MTERF4: variants seen among roughly 807,000 people sequenced by gnomAD.
MTERF4 encodes the protein mitochondrial transcription termination factor 4, also known as transcription termination factor 4, mitochondrial.
Under a neutral mutation model 22.5 loss-of-function variants are expected in MTERF4, and 17 were observed. The ratio of observed to expected loss-of-function variants is 0.75; its 90% CI spans 0.52 to 1.13. The LOEUF (loss-of-function observed/expected upper bound fraction) is 1.13. Among genes scored for constraint, MTERF4 ranks in the 50% most tolerant of loss-of-function variants. The pLI, the probability that MTERF4 is intolerant of heterozygous loss-of-function variation, is 0.00. For missense variants in MTERF4, 420 were observed against 466.8 expected (o/e 0.90, Z 0.92); for synonymous variants, 165 against 175.3 (o/e 0.94, Z 0.47).
At chr2:241,069,877 C>T (rs1432312592), downstream of MTERF4, 2 of 1,592,228 alleles carry the variant, frequency 1.3e-6, no homozygotes, top group African/African-American at 2.7e-5. The surrounding 1 kb of genome is among the most constrained non-coding windows in gnomAD (Gnocchi z 4.9). Flanking sequence ...CCAGAAGACC[C>T]TGTGGGCACC....
At chr2:241,060,160 CA>C in the MTERF4 span, among the ~76,000 whole-genome samples, 1 of 151,640 alleles carries the variant, frequency 6.6e-6, no homozygotes, top group African/African-American at 2.4e-5. Context: ...GAACTATAAA[CA>C]TAAATGTAAA....
At chr2:241,071,727 G>C, downstream of MTERF4, 1 of 1,153,890 alleles carries the variant, frequency 8.7e-7, no homozygotes, top group Non-Finnish European at 1.2e-6. Context: ...CCAGGTACAT[G>C]CCCCACCCAT....
intron 1 of MTERF4, among the ~76,000 whole-genome samples, chr2:241,100,864 C>T (rs1035705434): frequency 1.3e-5 from 2 of 152,096 alleles, no homozygotes; most frequent in African/African-American, 4.8e-5. Context: ...GTCTGGTGCC[C>T]CTAACCCCTG....
downstream of MTERF4, chr2:241,088,074 C>T (rs534834854): frequency 1.2e-5 from 6 of 480,148 alleles, no homozygotes; most frequent in Admixed American, 2.3e-4. Flanking sequence ...ACCGGCTCTT[C>T]CCTAGGGTAG....
downstream of MTERF4, chr2:241,087,848 C>A: frequency 2.0e-6 from 1 of 506,036 alleles, no homozygotes; most frequent in Non-Finnish European, 3.2e-6. Context: ...GTTCTTTCCA[C>A]AAAGGGTTCA....
downstream of MTERF4, among the ~76,000 whole-genome samples, chr2:241,082,708 C>T (rs2063387335): frequency 2.6e-5 from 4 of 152,202 alleles, no homozygotes; most frequent in Admixed American, 2.6e-4. Flanking sequence ...CCTCAGAGCC[C>T]CCTGGAAAAA....
chr2:241,082,177 C>A, downstream of MTERF4: 1 of 926,322 alleles, frequency 1.1e-6, no homozygotes, highest in Non-Finnish European at 1.7e-6. Flanking sequence ...GGAAGCCAGC[C>A]TAAGGACCCC....
chr2:241,065,552 C>G, the MTERF4 span: 16 of 1,612,798 alleles, frequency 9.9e-6, no homozygotes, highest in East Asian at 4.5e-5. Flanking sequence ...ACAGTAACAA[C>G]AAGAATGACA....
rs767152805 is a variant in MTERF4, at chr2:241,096,279, AT to A, written c.864del (p.Leu289CysfsTer122). The A allele has an allele frequency of 6.2e-7, 1 of 1,614,198 alleles. No individual in the cohort carries two copies. The highest frequency in any genetic ancestry group is 8.5e-7 in the Non-Finnish European group (1 of 1,180,040). ...DKKGQTQIPN[P>X]LLKDILRVSE... ...GAAACTCTGAGAATGTCCTTGAGCA[AT>A]GGGTTAGGGATCTGTGTCTGCCCCT... On this transcript the variant is annotated frameshift_variant, in exon 4 of 4. Transcript: ENST00000391980. LOFTEE classifies it low-confidence loss of function (END_TRUNC). This position sits in a 1 kb window ranked among gnomAD's most constrained non-coding sequence, Gnocchi z 5.1.
chr2:241,068,647 G>A (rs946333697), downstream of MTERF4, among the ~76,000 whole-genome samples: 13 of 151,952 alleles, frequency 8.6e-5, no homozygotes, highest in African/African-American at 3.1e-4. This position sits in a 1 kb window ranked among gnomAD's most constrained non-coding sequence, Gnocchi z 5.3. Flanking sequence ...TCTCCCAGCT[G>A]AACACCGGCC....
chr2:241,097,282 AAC>A lies in MTERF4; in HGVS notation c.664_665del (p.Val222SerfsTer22). On this transcript the variant is annotated frameshift_variant, in exon 3 of 4. Coordinates refer to ENST00000391980, the MANE Select transcript of MTERF4 (RefSeq NM_182501.4). LOFTEE classifies it low-confidence loss of function (END_TRUNC). ...CCAGTTGACCCAGGTCCTCTCGAAGAACAGAGGGGCAACTGTGCAAAATCTTG... is the reference window on the plus strand; with the variant it reads ...CCAGTTGACCCAGGTCCTCTCGAAGAAGAGGGGCAACTGTGCAAAATCTTG... ...VTKILHSCPS[V>X]LREDLGQLEY... 6.2e-7 allele frequency: 1 copy of A among 1,614,180 alleles called. No individual in the cohort carries two copies. Among genetic ancestry groups the A allele is most frequent in the Non-Finnish European group, 8.5e-7 (1 of 1,180,024 alleles).
chr2:241,082,750 C>T (rs184478046), downstream of MTERF4, among the ~76,000 whole-genome samples: 174 of 152,352 alleles, frequency 1.1e-3, 1 homozygote, highest in African/African-American at 4.1e-3. Context: ...GGCCCCAGTT[C>T]TGCCATTAAC....
Position 241,099,442 on chromosome 2 carries a change from T to C in MTERF4, c.474A>G (p.Gln158=). ...SPQLLKLPIM[Q]MRKRSSYLQK... The stretch of plus-strand genomic sequence containing the variant: ...GCAGGTAACTGGAGCGCTTCCTCAT[T>C]TGCATAATAGGCAGTTTCAATAACT... The change falls in exon 2 of 4, where the codon CAA becomes CAG. Residue 158 remains glutamine, a synonymous_variant. Transcript: ENST00000391980. The C allele has an allele frequency of 7.4e-6, 12 of 1,614,140 alleles. No individual in the cohort carries two copies. The highest frequency in any genetic ancestry group is 1.0e-5 in the Non-Finnish European group (12 of 1,180,018).
the MTERF4 span, among the ~76,000 whole-genome samples, chr2:241,062,153 G>A: frequency 2.0e-5 from 3 of 152,052 alleles, no homozygotes; most frequent in African/African-American, 7.2e-5. Context: ...ATATTTTACT[G>A]CCAGAAAACC....
chr2:241,048,625 C>A, the MTERF4 span: 1 of 1,561,802 alleles, frequency 6.4e-7, no homozygotes, highest in East Asian at 2.3e-5. Flanking sequence ...TCTTTCTGCG[C>A]CCCCACATGG....
At chr2:241,070,136 T>C, downstream of MTERF4, 1 of 1,612,150 alleles carries the variant, frequency 6.2e-7, no homozygotes, top group Non-Finnish European at 8.5e-7. Flanking sequence ...CTCTCTGTGA[T>C]AGCAGTGCAG....
At chr2:241,101,038 T>C (rs2064681275) in intron 1 of MTERF4, 6 of 409,654 alleles carry the variant, frequency 1.5e-5, no homozygotes, top group South Asian at 7.1e-5. Context: ...ACTGGCTTCA[T>C]GGAAGACAAT....
the MTERF4 span, chr2:241,062,696 C>T: frequency 2.9e-5 from 24 of 815,318 alleles, no homozygotes; most frequent in East Asian, 1.6e-4. Flanking sequence ...GATGTATCAT[C>T]GAATTCTGTC....
At chr2:241,090,567 A>T, downstream of MTERF4, 2 of 1,216,952 alleles carry the variant, frequency 1.6e-6, no homozygotes, top group South Asian at 4.1e-5. Context: ...AGGGCAGTGC[A>T]GTAGGTTTGT....
Sources: gnomAD v4.1 joint callset for allele counts (sites outside exome capture counted in the v4.1 genomes callset) on GRCh38, gnomAD v4.1.1 for gene constraint, Gnocchi (gnomAD v3.1) non-coding constraint, MANE v1.5 for transcripts, NCBI Gene and HGNC (gene_info 2026-07-23, HGNC 2026-07-21) for gene names.